Variants in MTHFS observed in about 807,000 individuals in gnomAD.
MTHFS encodes 5-formyltetrahydrofolate cyclo-ligase.
Under a neutral mutation model 12.7 loss-of-function variants are expected in MTHFS, and 7 were observed. That is an observed-to-expected ratio of 0.55 (90% CI 0.31 to 1.03). The LOEUF (loss-of-function observed/expected upper bound fraction) is 1.03, where lower values mean the gene tolerates loss of function less well. MTHFS is among the 50% of genes least tolerant of loss of function. MTHFS has a pLI of 0.05. For synonymous variants in MTHFS, 100 were observed against 97.1 expected, an observed-to-expected ratio of 1.03 and a Z score of -0.18; for missense variants, 252 against 258.1, an observed-to-expected ratio of 0.98 and a Z score of 0.16.
chr15:79,893,726 A>C (rs1172031350), intron 1 of MTHFS, among the ~76,000 whole-genome samples: 1 of 151,838 alleles, frequency 6.6e-6, no homozygotes, highest in Non-Finnish European at 1.5e-5. Flanking sequence ...AAAAAGAAAA[A>C]GAAAAATTAC....
At chr15:79,863,303 G>A (rs945977211) in intron 2 of MTHFS, among the ~76,000 whole-genome samples, 1 of 152,052 alleles carries the variant, frequency 6.6e-6, no homozygotes, top group Non-Finnish European at 1.5e-5. Context: ...CCTTATTTCT[G>A]GCAGAACAAC....
chr15:79,889,445 A>T, intron 1 of MTHFS, 91 bp from the exon 2 acceptor site: 14 of 1,035,016 alleles, frequency 1.4e-5, no homozygotes, highest in Non-Finnish European at 1.6e-5. Flanking sequence ...GCCTTCTCCA[A>T]TTTCTTTAAA....
intron 2 of MTHFS, among the ~76,000 whole-genome samples, chr15:79,848,229 T>C (rs1238411601): frequency 6.6e-6 from 1 of 152,204 alleles, no homozygotes; most frequent in African/African-American, 2.4e-5. Flanking sequence ...TTATGCCAAG[T>C]GAAATAAGTC....
chr15:79,880,156 GC>G (rs34785718), intron 2 of MTHFS, among the ~76,000 whole-genome samples: 22,348 of 152,096 alleles, frequency 0.15, 1,801 homozygotes, highest in Non-Finnish European at 0.19. Context: ...TGCAAGCTCT[GC>G]CTCCTGGGTT....
chr15:79,897,157 T>C, upstream of MTHFS: 1 of 572,396 alleles, frequency 1.7e-6, no homozygotes, highest in Non-Finnish European at 2.8e-6. Flanking sequence ...CGCCGCGCGC[T>C]TACCTCGCCT....
intron 2 of MTHFS, among the ~76,000 whole-genome samples, chr15:79,865,845 C>T (rs1314652237): frequency 6.6e-6 from 1 of 152,226 alleles, no homozygotes; most frequent in Non-Finnish European, 1.5e-5. Flanking sequence ...TTATTCCCTT[C>T]TCCCCTCAGT....
chr15:79,894,203 A>C (rs2034525648), intron 1 of MTHFS, among the ~76,000 whole-genome samples: 1 of 152,150 alleles, frequency 6.6e-6, no homozygotes. Flanking sequence ...CAACATGGTG[A>C]AACCCCGTCT....
In MTHFS at chr15:79,879,321, C is replaced by CTTTT. The variant is rs565488885; in HGVS notation, c.379+9768_379+9771dup. Among the ~76,000 whole-genome samples, 89 of 79,326 alleles carry CTTTT rather than the reference C, an allele frequency of 1.1e-3. 2 individuals are homozygous for CTTTT. The highest frequency in any genetic ancestry group is 7.0e-3 in the East Asian group (17 of 2,438). The allele number at this position is 79,326 out of a possible 152,430, so 52.0% of individuals were successfully genotyped here. A position where few individuals can be genotyped will look rare whatever the true frequency, so the allele number is the denominator to read the frequency against. On this transcript the variant is annotated intron_variant, in intron 2 of 2. Transcript: ENST00000258874. ...TGTGTTTTACCTTTAAATTATTACC[C>CTTTT]TTTTTTTTTTTTTTTTTTTTTTTTG...
At chr15:79,887,596 C>T (rs1293724067) in intron 2 of MTHFS, among the ~76,000 whole-genome samples, 1 of 152,174 alleles carries the variant, frequency 6.6e-6, no homozygotes, top group Non-Finnish European at 1.5e-5. Context: ...TGGGTTCCAC[C>T]ATTAAGCCTG....
At chr15:79,877,832 C>G (rs559636733) in intron 2 of MTHFS, 1 of 151,634 alleles carries the variant, frequency 6.6e-6, no homozygotes, top group African/African-American at 2.4e-5. Flanking sequence ...CAATGGAGGC[C>G]ACAAGGCAGA....
Position 79,845,082 on chromosome 15 carries a change from CA to C in MTHFS, c.*127del. 1 of 1,231,858 alleles carries C rather than the reference CA, an allele frequency of 8.1e-7. No homozygotes were observed. The highest frequency in any genetic ancestry group is 2.5e-5 in the East Asian group (1 of 39,804). 76.3% of individuals were successfully genotyped at this position (1,231,858 alleles called of 1,614,324 possible). ...TTTTATATAAGGTATTTCATAATTA[CA>C]ATTTTAAAATGCAGTCTGTATTCAC... On this transcript the variant is annotated 3_prime_UTR_variant, in exon 3 of 3. Transcript: ENST00000258874.
chr15:79,853,015 T>C (rs889288582), intron 2 of MTHFS, among the ~76,000 whole-genome samples: 3 of 152,004 alleles, frequency 2.0e-5, no homozygotes, highest in South Asian at 2.1e-4. Flanking sequence ...TCCTACCTAA[T>C]CCAAAGAGCC....
At chr15:79,889,444 A>T in intron 1 of MTHFS, 90 bp from the exon 2 acceptor site, 1 of 1,434,988 alleles carries the variant, frequency 7.0e-7, no homozygotes, top group African/African-American at 1.5e-5. Context: ...AGCCTTCTCC[A>T]ATTTCTTTAA....
Position 79,890,662 on chromosome 15 carries a change from G to T in MTHFS, c.118-1308C>A, listed in dbSNP as rs1002892862. ...TATATAATTGTAAGCCATAAAAGTA[G>T]CTTATAAATATGACTGGCAGAAAGA... On this transcript the variant is annotated intron_variant, in intron 1 of 2. Transcript: ENST00000258874. Among the ~76,000 whole-genome samples, 14 of 152,052 alleles carry T rather than the reference G, an allele frequency of 9.2e-5. 1 individual carries two copies. The highest frequency in any genetic ancestry group is 9.2e-4 in the Admixed American group (14 of 15,264).
At chr15:79,853,349 C>T (rs2033746965) in intron 2 of MTHFS, among the ~76,000 whole-genome samples, 3 of 152,154 alleles carry the variant, frequency 2.0e-5, no homozygotes, top group South Asian at 4.1e-4. Context: ...CAGCAGTTAT[C>T]TGTGCAGGCT....
intron 2 of MTHFS, among the ~76,000 whole-genome samples, chr15:79,880,021 T>C (rs1239162048): frequency 6.6e-6 from 1 of 152,196 alleles, no homozygotes; most frequent in Non-Finnish European, 1.5e-5. Context: ...TTCCATCTCA[T>C]GATTTGCTGC....
chr15:79,846,107 G>C (rs1231654315), intron 2 of MTHFS, among the ~76,000 whole-genome samples: 1 of 152,196 alleles, frequency 6.6e-6, no homozygotes, highest in African/African-American at 2.4e-5. Flanking sequence ...GACATTATCA[G>C]GACAGAATGC....
intron 2 of MTHFS, among the ~76,000 whole-genome samples, chr15:79,865,734 C>T (rs796844824): frequency 3.3e-5 from 5 of 152,264 alleles, no homozygotes; most frequent in African/African-American, 1.2e-4. Context: ...GATCTTCTGC[C>T]CCTGCAAATA....
chr15:79,876,996 T>C (rs952528548), intron 2 of MTHFS: 3 of 151,826 alleles, frequency 2.0e-5, no homozygotes, highest in African/African-American at 7.3e-5. Flanking sequence ...TGAGCTGAGA[T>C]TGCACCATTG....
Sources: gnomAD v4.1 joint callset for allele counts (sites outside exome capture counted in the v4.1 genomes callset) on GRCh38, gnomAD v4.1.1 for gene constraint, MANE v1.5 for transcripts, NCBI Gene and HGNC (gene_info 2026-07-23, HGNC 2026-07-21) for gene names.